The following MID2 variants were observed in gnomAD, a reference collection of about 807,000 sequenced individuals.
MID2 encodes the protein probable E3 ubiquitin-protein ligase MID2.
In MID2, 13 loss-of-function variants were observed where a neutral mutation model predicts 46.1. That is an observed-to-expected ratio of 0.28 (90% CI 0.18 to 0.45). The LOEUF is 0.45. Ranked by LOEUF, MID2 falls within the 20% of genes least tolerant of loss-of-function variation. MID2 has a pLI of 1.00. For missense variants in MID2, 431 were observed against 575.4 expected (o/e 0.75, Z 2.57); for synonymous variants, 199 against 212.3 (o/e 0.94, Z 0.55).
At chrX:107,839,228 A>G (rs763810409) in intron 1 of MID2, among the ~76,000 whole-genome samples, 9 of 111,504 alleles carry the variant, frequency 8.1e-5, no homozygotes, top group Non-Finnish European at 1.5e-4. Context: ...TAGAATATTT[A>G]TGTGTGTGTA....
At chrX:107,902,188 T>C (rs1232074333) in intron 3 of MID2, among the ~76,000 whole-genome samples, 1 of 111,784 alleles carries the variant, frequency 8.9e-6, no homozygotes, top group South Asian at 3.7e-4. Flanking sequence ...CGGGACTGTT[T>C]TGAGGATTGA....
chrX:107,900,745 C>T (rs1295880549), intron 3 of MID2, among the ~76,000 whole-genome samples: 1 of 112,149 alleles, frequency 8.9e-6, no homozygotes, highest in East Asian at 2.8e-4. Flanking sequence ...CCATTTCATC[C>T]ATGCATCTTT....
chrX:107,928,967 C>A lies in MID2; in HGVS notation c.*1894C>A, dbSNP rs1000593800. On this transcript the variant is annotated 3_prime_UTR_variant, in exon 10 of 10. Transcript: ENST00000262843. ...TTTGCTGTAGTGGAAAGCTCATAAC[C>A]TTTGGATTCAAATGATCCTAGTTTC... Among the ~76,000 whole-genome samples the A allele has an allele frequency of 1.8e-5, 2 of 111,905 alleles. No homozygotes were observed. Among genetic ancestry groups the A allele is most frequent in the Non-Finnish European group, 3.8e-5 (2 of 53,086 alleles).
chrX:107,880,452 G>A (rs1932294744), intron 3 of MID2, among the ~76,000 whole-genome samples: 1 of 111,199 alleles, frequency 9.0e-6, no homozygotes, highest in African/African-American at 3.3e-5. Context: ...TTGGGGGAAG[G>A]GGTGGGAGTG....
intron 3 of MID2, among the ~76,000 whole-genome samples, chrX:107,884,048 G>A (rs1353854901): frequency 8.9e-6 from 1 of 112,425 alleles, no homozygotes; most frequent in Non-Finnish European, 1.9e-5. Context: ...TCATTTCTGA[G>A]TAAAAACTTA....
chrX:107,878,224 G>A (rs1265898522), intron 3 of MID2, among the ~76,000 whole-genome samples: 4 of 110,659 alleles, frequency 3.6e-5, no homozygotes, highest in African/African-American at 6.6e-5. Context: ...AGACTGCCCT[G>A]GGGCCCTGGC....
At chrX:107,857,573 G>A (rs1931768965) in intron 3 of MID2, among the ~76,000 whole-genome samples, 2 of 111,780 alleles carry the variant, frequency 1.8e-5, no homozygotes, top group Admixed American at 1.9e-4. Context: ...GAGCCACCGG[G>A]CCCGGCCAAC....
intron 3 of MID2, among the ~76,000 whole-genome samples, chrX:107,885,578 A>G (rs1932434033): frequency 9.0e-6 from 1 of 111,503 alleles, no homozygotes; most frequent in Non-Finnish European, 1.9e-5. Context: ...GCCACAATAA[A>G]CATACGTGTG....
chrX:107,887,943 C>T (rs1343734472), intron 3 of MID2, among the ~76,000 whole-genome samples: 3 of 111,291 alleles, frequency 2.7e-5, no homozygotes, highest in African/African-American at 9.8e-5. Flanking sequence ...TGATGGTAGT[C>T]TGTATTTCTG....
intron 7 of MID2, among the ~76,000 whole-genome samples, chrX:107,918,687 A>T (rs1285754257): frequency 4.5e-5 from 5 of 111,662 alleles, no homozygotes; most frequent in Non-Finnish European, 9.4e-5. Context: ...CACTTGGCCC[A>T]TGTAACTATG....
chrX:107,926,183 C>T lies in MID2; in HGVS notation c.1687C>T (p.Leu563=), dbSNP rs1242553718. 2 of 1,206,676 alleles carry T rather than the reference C, an allele frequency of 1.7e-6. No homozygotes were observed. The highest frequency in any genetic ancestry group is 4.4e-5 in the Admixed American group (2 of 45,854). ...GCAGATGGAGAAGGATGAAAGCTCT[C>T]TAAAGAAGAGCCACACCCCAGAGAG... The part of the protein sequence containing the change: ...GLQMEKDESS[L]KKSHTPERFS... The change falls in exon 9 of 10, where the codon CTA becomes TTA. Residue 563 remains leucine (L), a synonymous_variant. Coordinates refer to ENST00000262843, the MANE Select transcript of MID2 (RefSeq NM_012216.4).
intron 3 of MID2, chrX:107,895,773 A>G (rs1932717852): frequency 8.9e-6 from 1 of 112,247 alleles, no homozygotes; most frequent in African/African-American, 3.2e-5. Flanking sequence ...AGTAGATTGG[A>G]AAGAACACTG....
rs190977930 is a variant in MID2 at position 107,829,662 on chromosome X, C to T, written c.4+3232C>T. 2.5e-4 allele frequency among the ~76,000 whole-genome samples: 28 copies of T among 111,859 alleles called. No individual in the cohort carries two copies. The South Asian group carries it at 2.6e-3, about 11-fold the overall frequency. Reference sequence around the variant, plus strand: ...CCCAGATTTAGCCCAGTATTTTGGCCTCCTGCTTGTTCCACGCCAAACTCC... The same window carrying T: ...CCCAGATTTAGCCCAGTATTTTGGCTTCCTGCTTGTTCCACGCCAAACTCC... On this transcript the variant is annotated intron_variant, in intron 1 of 9. Coordinates refer to ENST00000262843, the MANE Select transcript of MID2 (RefSeq NM_012216.4).
chrX:107,857,151 T>C (rs1192932758), intron 3 of MID2, among the ~76,000 whole-genome samples: 1 of 112,172 alleles, frequency 8.9e-6, no homozygotes, highest in Non-Finnish European at 1.9e-5. Context: ...GGGATTTAAC[T>C]TCATAGTCTA....
chrX:107,899,680 T>C (rs951125501), intron 3 of MID2, among the ~76,000 whole-genome samples: 3 of 110,730 alleles, frequency 2.7e-5, no homozygotes, highest in Admixed American at 9.6e-5. Flanking sequence ...CTTTTTGGGG[T>C]GGGTGGATTT....
chrX:107,918,188 G>A (rs779022074), intron 7 of MID2, among the ~76,000 whole-genome samples: 5 of 110,622 alleles, frequency 4.5e-5, no homozygotes, highest in Non-Finnish European at 7.6e-5. Flanking sequence ...ATGTCAGTGG[G>A]CCACAAAATG....
intron 2 of MID2, among the ~76,000 whole-genome samples, chrX:107,854,159 C>T (rs1409110146): frequency 9.0e-6 from 1 of 111,548 alleles, no homozygotes; most frequent in Non-Finnish European, 1.9e-5. Context: ...TTGAAAATTT[C>T]TTAAGTTGAA....
At chrX:107,836,782 A>C (rs779018077) in intron 1 of MID2, among the ~76,000 whole-genome samples, 1 of 111,540 alleles carries the variant, frequency 9.0e-6, no homozygotes, top group African/African-American at 3.3e-5. Context: ...AAAAGTATTC[A>C]GTACCCGAAA....
chrX:107,876,092 C>T (rs1932193529), intron 3 of MID2, among the ~76,000 whole-genome samples: 1 of 111,649 alleles, frequency 9.0e-6, no homozygotes, highest in African/African-American at 3.3e-5. Context: ...CCTTGGCAAT[C>T]CTTTCTAAAA....
Sources: gnomAD v4.1 joint callset for allele counts (sites outside exome capture counted in the v4.1 genomes callset) on GRCh38, gnomAD v4.1.1 for gene constraint, MANE v1.5 for transcripts, NCBI Gene and HGNC (gene_info 2026-07-23, HGNC 2026-07-21) for gene names.